ITGBL1: variants seen among roughly 807,000 people sequenced by gnomAD.
ITGBL1 encodes integrin beta-like protein 1.
In ITGBL1, 51 loss-of-function variants were observed where a neutral mutation model predicts 68.5. The ratio of observed to expected loss-of-function variants is 0.74; its 90% CI spans 0.59 to 0.94. The LOEUF is 0.94. Among genes scored for constraint, ITGBL1 ranks in the 40% least tolerant of loss-of-function variants. The probability of loss-of-function intolerance (pLI) is 0.00; values close to 1 mark genes in which losing one functional copy is unlikely to be tolerated. For synonymous variants in ITGBL1, 209 were observed against 227.3 expected (o/e 0.92, Z 0.72); for missense variants, 649 against 647.4 (o/e 1.00, Z -0.03).
At chr13:101,536,990 G>A (rs2049588675) in intron 2 of ITGBL1, among the ~76,000 whole-genome samples, 1 of 151,928 alleles carries the variant, frequency 6.6e-6, no homozygotes, top group Non-Finnish European at 1.5e-5. Context: ...TTTTGTCTGT[G>A]ATGAAAACTT....
At chr13:101,712,085 C>A (rs1279015596) in intron 9 of ITGBL1, 1 of 152,176 alleles carries the variant, frequency 6.6e-6, no homozygotes, top group Non-Finnish European at 1.5e-5. Context: ...CTAGAGCGTT[C>A]TACAGGAAAA....
intron 7 of ITGBL1, among the ~76,000 whole-genome samples, chr13:101,636,349 A>G (rs142823333): frequency 2.2e-3 from 328 of 152,268 alleles, no homozygotes; most frequent in African/African-American, 7.6e-3. Flanking sequence ...ACTTAGTGGG[A>G]AAGTTACCTT....
intron 2 of ITGBL1, among the ~76,000 whole-genome samples, chr13:101,520,162 G>T (rs951749727): frequency 6.6e-6 from 1 of 152,064 alleles, no homozygotes; most frequent in Non-Finnish European, 1.5e-5. Context: ...CTCTTTCTGT[G>T]TTATCATAGT....
At chr13:101,641,362 A>G (rs1280522958) in intron 7 of ITGBL1, among the ~76,000 whole-genome samples, 1 of 151,998 alleles carries the variant, frequency 6.6e-6, no homozygotes, top group Non-Finnish European at 1.5e-5. Flanking sequence ...ATTTTTTTGC[A>G]TATTTTAAAT....
At chr13:101,620,975 A>C (rs1194152011) in intron 7 of ITGBL1, among the ~76,000 whole-genome samples, 1 of 151,982 alleles carries the variant, frequency 6.6e-6, no homozygotes, top group Admixed American at 6.6e-5. Context: ...TTGACCTTCC[A>C]CCTTTCCTCT....
At chr13:101,511,486 T>C (rs926084823) in intron 2 of ITGBL1, among the ~76,000 whole-genome samples, 26 of 152,144 alleles carry the variant, frequency 1.7e-4, no homozygotes, top group African/African-American at 6.3e-4. Context: ...TGAAAGGATT[T>C]TTGCAGAAGC....
intron 9 of ITGBL1, 107 bp from the exon 10 acceptor site, chr13:101,714,331 G>A (rs936164752): frequency 1.4e-6 from 1 of 739,442 alleles, no homozygotes; most frequent in Non-Finnish European, 2.5e-6. Flanking sequence ...TTTACCTTTG[G>A]ATGATGGGTT....
At chr13:101,606,172 T>TATATATATA (rs1566754927) in intron 7 of ITGBL1, among the ~76,000 whole-genome samples, 3 of 60,138 alleles carry the variant, frequency 5.0e-5, no homozygotes, top group African/African-American at 2.6e-4. Flanking sequence ...CTATTAGGAT[T>TATATATATA]TTTATATATA....
chr13:101,611,364 C>G (rs2031119269), intron 7 of ITGBL1, among the ~76,000 whole-genome samples: 1 of 152,212 alleles, frequency 6.6e-6, no homozygotes, highest in African/African-American at 2.4e-5. Flanking sequence ...ATGTGCCCTT[C>G]TGCACCTCGT....
rs1454097175 is a variant in ITGBL1, at chr13:101,453,958, G to A, written c.174G>A (p.Pro58=). Residue 58 remains proline (P), a synonymous_variant, in exon 2 of 11, where the codon CCG becomes CCA. Transcript: ENST00000376180. ...GCTGCCGCGCACCTGGGCAGCCCCC[G>A]GGGGCCGCGCTGTGCCACGGCCGGG... ...ERRCRAPGQP[P]GAALCHGRGR... is the part of the protein sequence containing the mutation. The A allele has an allele frequency of 4.0e-6, 6 of 1,494,342 alleles. No individual in the cohort carries two copies. Among genetic ancestry groups the A allele is most frequent in the African/African-American group, 2.9e-5 (2 of 69,710 alleles). The allele number at this position is 1,494,342 out of a possible 1,614,324, so 92.6% of individuals were successfully genotyped here.
chr13:101,516,828 A>C (rs2139124201), intron 2 of ITGBL1, among the ~76,000 whole-genome samples: 1 of 152,290 alleles, frequency 6.6e-6, no homozygotes, highest in East Asian at 1.9e-4. Context: ...TGGGTTCCTA[A>C]GTTTCCTGAA....
chr13:101,501,413 A>G (rs2048938411), intron 2 of ITGBL1, among the ~76,000 whole-genome samples: 1 of 152,166 alleles, frequency 6.6e-6, no homozygotes, highest in African/African-American at 2.4e-5. Context: ...ACCCAGTGGA[A>G]TGGGAGTCCT....
At chr13:101,551,846 T>C (rs1286893773) in intron 2 of ITGBL1, among the ~76,000 whole-genome samples, 1 of 152,150 alleles carries the variant, frequency 6.6e-6, no homozygotes, top group Non-Finnish European at 1.5e-5. Flanking sequence ...TGATTAAAAA[T>C]GAGATAGTTT....
In ITGBL1 at chr13:101,458,851, G is replaced by A. The variant is rs567359494; in HGVS notation, c.316+4751G>A. Among the ~76,000 whole-genome samples the A allele has an allele frequency of 5.0e-3, 763 of 152,252 alleles. 1 individual carries two copies. Among genetic ancestry groups the A allele is most frequent in the Non-Finnish European group, 7.8e-3 (531 of 68,026 alleles). On this transcript the variant is annotated intron_variant, in intron 2 of 10. Transcript: ENST00000376180. Reference sequence around the variant, plus strand: ...CAATGAGGAGCCCACAGATATGGAGGCCCGACCGTATGGTGCCCAAAAGCA... The same window carrying A: ...CAATGAGGAGCCCACAGATATGGAGACCCGACCGTATGGTGCCCAAAAGCA...
At position 101,583,137 on chromosome 13, in the gene ITGBL1, A is replaced by G; in HGVS notation, c.728-79A>G. The G allele has an allele frequency of 1.4e-6, 2 of 1,409,480 alleles. 1 individual carries two copies. Among genetic ancestry groups the G allele is most frequent in the Admixed American group, 3.6e-5 (2 of 56,260 alleles). 87.3% of individuals were successfully genotyped at this position (1,409,480 alleles called of 1,614,324 possible). A position where few individuals can be genotyped will look rare whatever the true frequency, so the allele number is the denominator to read the frequency against. The stretch of plus-strand genomic sequence containing the variant: ...TTTTTCAAACACAAAGTAAACAGAA[A>G]ATAATAAGCGATATGTGAAATGCTT... On this transcript the variant is annotated intron_variant, in intron 5 of 10. Coordinates refer to ENST00000376180, the MANE Select transcript of ITGBL1 (RefSeq NM_004791.3).
chr13:101,456,997 C>A (rs76938434), intron 2 of ITGBL1, among the ~76,000 whole-genome samples: 5,077 of 152,192 alleles, frequency 0.033, 288 homozygotes, highest in African/African-American at 0.12. Flanking sequence ...TGAACTTGGG[C>A]AGTTACTTAA....
At chr13:101,489,188 A>G (rs1330773500) in intron 2 of ITGBL1, among the ~76,000 whole-genome samples, 2 of 152,202 alleles carry the variant, frequency 1.3e-5, no homozygotes, top group Non-Finnish European at 2.9e-5. Context: ...CGGATCCAAC[A>G]ATTAAAAGAA....
At chr13:101,501,745 T>C (rs1376060781) in intron 2 of ITGBL1, among the ~76,000 whole-genome samples, 1 of 152,162 alleles carries the variant, frequency 6.6e-6, no homozygotes, top group Admixed American at 6.6e-5. Context: ...TGGAATATAC[T>C]ATAATGTTGA....
intron 7 of ITGBL1, among the ~76,000 whole-genome samples, chr13:101,601,188 A>G (rs2139333979): frequency 6.6e-6 from 1 of 152,238 alleles, no homozygotes. Context: ...GAGGAAATTT[A>G]TCCATTTCTT....
Sources: allele counts gnomAD v4.1 joint callset (sites outside exome capture counted in the v4.1 genomes callset), GRCh38; gene constraint gnomAD v4.1.1; transcripts MANE v1.5; gene names NCBI Gene and HGNC (gene_info 2026-07-23, HGNC 2026-07-21).